The following EEFSEC variants were observed in gnomAD, a reference collection of about 807,000 sequenced individuals.
EEFSEC encodes the protein eukaryotic elongation factor, selenocysteine-tRNA specific.
A neutral mutation model predicts 42.1 loss-of-function variants in EEFSEC; 43 were observed. That is an observed-to-expected ratio of 1.02 (90% CI 0.80 to 1.32). The LOEUF is 1.32. EEFSEC is among the 40% of genes most tolerant of loss of function. The pLI is 0.00. For synonymous variants in EEFSEC, 354 were observed against 339.1 expected, an observed-to-expected ratio of 1.04 and a Z score of -0.48; for missense variants, 745 against 803.6, an observed-to-expected ratio of 0.93 and a Z score of 0.88.
chr3:128,238,186 A>C (rs1472278574), intron 1 of EEFSEC, among the ~76,000 whole-genome samples: 1 of 152,196 alleles, frequency 6.6e-6, no homozygotes, highest in African/African-American at 2.4e-5. Flanking sequence ...CCAGGCTAGT[A>C]GTACAAATGC....
chr3:128,366,580 GACAGGAGGGCTCTGGCCTCACACAGTC>G (rs1443859808), intron 6 of EEFSEC, among the ~76,000 whole-genome samples: 1 of 152,246 alleles, frequency 6.6e-6, no homozygotes, highest in Non-Finnish European at 1.5e-5. Flanking sequence ...CAAGGTCAGA[GACAGGAGGGCTCTGGCCTCACACAGTC>G]ACTCTGACTT....
intron 6 of EEFSEC, among the ~76,000 whole-genome samples, chr3:128,388,177 A>C (rs7373685): frequency 0.39 from 59,412 of 151,980 alleles, 13,846 homozygotes; most frequent in African/African-American, 0.65. Context: ...CCGCTCTTAG[A>C]GTCTTCCTTT....
At chr3:128,293,592 C>T (rs1358189511) in intron 4 of EEFSEC, among the ~76,000 whole-genome samples, 11 of 142,384 alleles carry the variant, frequency 7.7e-5, no homozygotes, top group East Asian at 2.1e-4. Flanking sequence ...ACCCAGGAGG[C>T]GGAGGATGCA....
intron 4 of EEFSEC, among the ~76,000 whole-genome samples, chr3:128,320,508 G>A (rs2066995554): frequency 6.6e-6 from 1 of 152,174 alleles, no homozygotes; most frequent in Non-Finnish European, 1.5e-5. Flanking sequence ...AACTTAGAGA[G>A]GTGACATCCC....
chr3:128,184,188 A>G (rs1049233373), intron 1 of EEFSEC, among the ~76,000 whole-genome samples: 1 of 152,240 alleles, frequency 6.6e-6, no homozygotes, highest in African/African-American at 2.4e-5. Flanking sequence ...TAACATATTC[A>G]TAATATAAGA....
At chr3:128,336,866 T>G (rs1212209969) in intron 4 of EEFSEC, 1 of 152,256 alleles carries the variant, frequency 6.6e-6, no homozygotes, top group Non-Finnish European at 1.5e-5. Context: ...CCCAACTGTC[T>G]AAAACTATCT....
At chr3:128,227,505 C>T (rs2065920123) in intron 1 of EEFSEC, among the ~76,000 whole-genome samples, 1 of 152,196 alleles carries the variant, frequency 6.6e-6, no homozygotes, top group African/African-American at 2.4e-5. Flanking sequence ...TCAAGAATGT[C>T]CTGCCTTGGT....
chr3:128,361,021 A>G (rs1260769350), intron 6 of EEFSEC, among the ~76,000 whole-genome samples: 1 of 152,076 alleles, frequency 6.6e-6, no homozygotes, highest in East Asian at 1.9e-4. Context: ...GAGAGAGTGC[A>G]TTGCTAGCTG....
At chr3:128,367,748 C>T in intron 6 of EEFSEC, 1 of 985,454 alleles carries the variant, frequency 1.0e-6, no homozygotes, top group Non-Finnish European at 1.2e-6. Context: ...GGCCCCACTG[C>T]CTGCCTGGCC....
rs572401733 is a variant in EEFSEC at position 128,324,284 on chromosome 3, T to C, written c.787-16949T>C. On this transcript the variant is annotated intron_variant, in intron 4 of 6. Transcript: ENST00000254730. ...ACATAGAATGCAAAGTTTCCATGAA[T>C]CTTAAAGTCCAAAACTTGGTATTTC... Among the ~76,000 whole-genome samples, 7 of 150,298 alleles carry C rather than the reference T, an allele frequency of 4.7e-5. No individual in the cohort carries two copies. The East Asian group carries it at 1.3e-3, about 29-fold the overall frequency.
At chr3:128,163,785 G>C (rs535335018) in intron 1 of EEFSEC, among the ~76,000 whole-genome samples, 1 of 152,128 alleles carries the variant, frequency 6.6e-6, no homozygotes, top group Admixed American at 6.5e-5. Flanking sequence ...CATATAAGTA[G>C]ATCACACAAT....
chr3:128,271,152 G>A (rs768401190), intron 4 of EEFSEC, among the ~76,000 whole-genome samples: 1 of 152,144 alleles, frequency 6.6e-6, no homozygotes, highest in Non-Finnish European at 1.5e-5. Context: ...CCCAGAGCTG[G>A]GCAGCCCCCC....
rs576761613 is a variant in EEFSEC at position 128,408,300 on chromosome 3, G to C, written c.*41G>C. Reference sequence around the variant, plus strand: ...CCCCAGGGCCTCCTTGCCCAGCCCAGTCCAGGCTGCTGTGCCAAATCCCAA... The same window carrying C: ...CCCCAGGGCCTCCTTGCCCAGCCCACTCCAGGCTGCTGTGCCAAATCCCAA... On this transcript the variant is annotated 3_prime_UTR_variant, in exon 7 of 7. Coordinates refer to ENST00000254730, the MANE Select transcript of EEFSEC (RefSeq NM_021937.5). 1.5e-5 allele frequency: 23 copies of C among 1,503,710 alleles called. No homozygotes were observed. The Admixed American group carries it at 2.5e-4, about 16-fold the overall frequency. The allele number at this position is 1,503,710 out of a possible 1,614,324, so 93.1% of individuals were successfully genotyped here.
At chr3:128,402,682 C>T (rs534971567) in intron 6 of EEFSEC, among the ~76,000 whole-genome samples, 9 of 152,164 alleles carry the variant, frequency 5.9e-5, no homozygotes, top group Admixed American at 3.3e-4. Flanking sequence ...TTGTTTGGAC[C>T]GAATTCCTAG....
At chr3:128,368,574 C>T (rs2067617858) in intron 6 of EEFSEC, among the ~76,000 whole-genome samples, 1 of 152,216 alleles carries the variant, frequency 6.6e-6, no homozygotes, top group African/African-American at 2.4e-5. Flanking sequence ...TAAAATCACT[C>T]CCTGGATGTG....
chr3:128,274,852 A>G (rs1223203264), intron 4 of EEFSEC, among the ~76,000 whole-genome samples: 1 of 152,214 alleles, frequency 6.6e-6, no homozygotes, highest in Non-Finnish European at 1.5e-5. Flanking sequence ...TAAATAAGTA[A>G]GAACAGCCTT....
At chr3:128,386,533 G>A (rs2067840587) in intron 6 of EEFSEC, among the ~76,000 whole-genome samples, 1 of 152,036 alleles carries the variant, frequency 6.6e-6, no homozygotes, top group South Asian at 2.1e-4. Context: ...GTGAGGCCAG[G>A]CCTTCATGGT....
In EEFSEC at chr3:128,408,064, T is replaced by C; in HGVS notation, c.1601-5T>C. 1 of 1,548,162 alleles carries C rather than the reference T, an allele frequency of 6.5e-7. No homozygotes were observed. The highest frequency in any genetic ancestry group is 8.7e-7 in the Non-Finnish European group (1 of 1,147,548). On this transcript the variant is annotated splice_region_variant and splice_polypyrimidine_tract_variant and intron_variant, in intron 6 of 6. Transcript: ENST00000254730. ...GAGTGACAGGCTCTCTTCTGTGCCT[T>C]GCAGGTGGCCTCAGCCCCGAGTCCA... is the stretch of plus-strand genomic sequence containing the variant.
intron 2 of EEFSEC, among the ~76,000 whole-genome samples, chr3:128,248,162 C>G (rs2066146857): frequency 6.6e-6 from 1 of 152,220 alleles, no homozygotes; most frequent in Admixed American, 6.5e-5. Context: ...CTCTCTTCCT[C>G]TCTAGGCCAG....
Sources: gnomAD v4.1 joint callset for allele counts (sites outside exome capture counted in the v4.1 genomes callset) on GRCh38, gnomAD v4.1.1 for gene constraint, MANE v1.5 for transcripts, NCBI Gene and HGNC (gene_info 2026-07-23, HGNC 2026-07-21) for gene names.